The following CTTNBP2NL variants were observed in gnomAD, a reference collection of about 807,000 sequenced individuals.
CTTNBP2NL encodes the protein CTTNBP2 N-terminal-like protein.
CTTNBP2NL carries 16 observed loss-of-function variants against 32.5 expected under a neutral mutation model. The observed-to-expected ratio is 0.49, with a 90% confidence interval of 0.33 to 0.75. CTTNBP2NL has a LOEUF of 0.75. CTTNBP2NL is among the 30% of genes least tolerant of loss of function. CTTNBP2NL has a pLI of 0.02. For missense variants in CTTNBP2NL, 645 were observed against 756.0 expected, an observed-to-expected ratio of 0.85 and a Z score of 1.72; for synonymous variants, 298 against 289.4, an observed-to-expected ratio of 1.03 and a Z score of -0.30.
At chr1:112,420,624 A>G (rs1328355953) in intron 3 of CTTNBP2NL, among the ~76,000 whole-genome samples, 1 of 152,056 alleles carries the variant, frequency 6.6e-6, no homozygotes, top group East Asian at 1.9e-4. Context: ...GCATGCCACT[A>G]TACCTGGCTA....
intron 3 of CTTNBP2NL, among the ~76,000 whole-genome samples, chr1:112,447,297 A>G (rs1442067947): frequency 7.3e-6 from 1 of 136,974 alleles, no homozygotes. Context: ...AAAAAAAAAA[A>G]GTAGAGTTTC....
At chr1:112,422,224 T>C (rs1000473218) in intron 3 of CTTNBP2NL, among the ~76,000 whole-genome samples, 1 of 152,226 alleles carries the variant, frequency 6.6e-6, no homozygotes, top group Admixed American at 6.5e-5. Context: ...TTTATATAAG[T>C]GGAATCATAT....
chr1:112,412,880 A>G (rs1648924581), intron 2 of CTTNBP2NL, among the ~76,000 whole-genome samples: 1 of 152,004 alleles, frequency 6.6e-6, no homozygotes, highest in African/African-American at 2.4e-5. Flanking sequence ...CCACCTCCCA[A>G]AGTGCTGGGA....
intron 2 of CTTNBP2NL, 149 bp from the exon 3 acceptor site, chr1:112,416,008 C>T: frequency 5.3e-6 from 3 of 562,718 alleles, no homozygotes; most frequent in South Asian, 2.3e-5. Flanking sequence ...TGATTAACAC[C>T]AGAAAACATA....
In CTTNBP2NL at chr1:112,431,777, TACAC is replaced by T. The variant is rs554180310; in HGVS notation, c.99+15515_99+15518del. 3.9e-3 allele frequency among the ~76,000 whole-genome samples: 598 copies of T among 151,898 alleles called. 5 individuals are homozygous for T. Among genetic ancestry groups the T allele is most frequent in the African/African-American group, 0.014 (563 of 41,414 alleles). On this transcript the variant is annotated intron_variant, in intron 3 of 5. Coordinates refer to ENST00000271277, the MANE Select transcript of CTTNBP2NL (RefSeq NM_018704.3). ...GTGAAAACAAATTGCAAAACAGTTT[TACAC>T]AATAATAATATCTATGTAATTAGGT...
Position 112,454,497 on chromosome 1 carries a change from G to A in CTTNBP2NL, c.379G>A (p.Ala127Thr). Residue 127 changes from alanine to threonine, a missense_variant, in exon 5 of 6, where the codon GCT (alanine) becomes ACT (threonine). Transcript: ENST00000271277. Reference sequence around the variant, plus strand: ...AAGGCAGCGGCATGCACAGGATACGGCTGAAGGAGATGATGTCACCTACAT... The same window carrying A: ...AAGGCAGCGGCATGCACAGGATACGACTGAAGGAGATGATGTCACCTACAT... ...EERQRHAQDTAEGDDVTYMLE... is the reference protein window; with the variant it reads ...EERQRHAQDTTEGDDVTYMLE... 6.2e-7 allele frequency: 1 copy of A among 1,614,124 alleles called. No homozygotes were observed. Among genetic ancestry groups the A allele is most frequent in the Non-Finnish European group, 8.5e-7 (1 of 1,179,976 alleles).
Position 112,415,177 on chromosome 1 carries a change from C to G in CTTNBP2NL, c.-9-980C>G, listed in dbSNP as rs1160674704. On this transcript the variant is annotated intron_variant, in intron 2 of 5. Coordinates refer to ENST00000271277, the MANE Select transcript of CTTNBP2NL (RefSeq NM_018704.3). ...CTACACTCCAGCCTGGGTGACAGAG[C>G]AAGACCCTGTCTTAAAACAAAAAAA... Among the ~76,000 whole-genome samples the G allele has an allele frequency of 2.0e-5, 3 of 152,134 alleles. No homozygotes were observed. In the East Asian group the frequency reaches 5.8e-4, roughly 29 times the overall value.
chr1:112,456,805 TG>T lies in CTTNBP2NL; in HGVS notation c.1317del (p.Ser440HisfsTer14). On this transcript the variant is annotated frameshift_variant, in exon 6 of 6. Coordinates refer to ENST00000271277, the MANE Select transcript of CTTNBP2NL (RefSeq NM_018704.3). LOFTEE classifies it low-confidence loss of function (END_TRUNC). ...CSSPVLTKRL[L>X]GSSASSPGYQ... is the part of the protein sequence containing the mutation. ...TCGCCGGTACTCACTAAGCGTTTAT[TG>T]GGGTCATCAGCTAGCAGCCCTGGCT... The T allele has an allele frequency of 1.2e-6, 2 of 1,614,082 alleles. No homozygotes were observed. Among genetic ancestry groups the T allele is most frequent in the Non-Finnish European group, 1.7e-6 (2 of 1,180,038 alleles).
chr1:112,397,368 GT>G (rs889672118), intron 1 of CTTNBP2NL, among the ~76,000 whole-genome samples: 1 of 152,058 alleles, frequency 6.6e-6, no homozygotes, highest in Non-Finnish European at 1.5e-5. Context: ...AGTCATCTAG[GT>G]TTATGATTAA....
chr1:112,437,740 G>A (rs182171972), intron 3 of CTTNBP2NL, among the ~76,000 whole-genome samples: 2 of 152,118 alleles, frequency 1.3e-5, no homozygotes, highest in Admixed American at 6.6e-5. Flanking sequence ...AGCCAGGATG[G>A]TCTCGATCTC....
At chr1:112,438,807 G>A (rs1277154386) in intron 3 of CTTNBP2NL, among the ~76,000 whole-genome samples, 1 of 152,148 alleles carries the variant, frequency 6.6e-6, no homozygotes, top group African/African-American at 2.4e-5. Flanking sequence ...CCATATATTT[G>A]TGCCTTACTG....
At position 112,449,031 on chromosome 1, in the gene CTTNBP2NL, A is replaced by G. The variant is rs1365275213; in HGVS notation, c.189A>G (p.Thr63=). The part of the protein sequence containing the change: ...PLMALQRDFE[T]LKEKNDGEKQ... ...TGGCTCTACAGAGAGATTTTGAAAC[A>G]CTGAAGGAGAAAAATGATGGCGAAA... Residue 63 remains threonine (T), a synonymous_variant, in exon 4 of 6, where the codon ACA becomes ACG. Coordinates refer to ENST00000271277, the MANE Select transcript of CTTNBP2NL (RefSeq NM_018704.3). The G allele has an allele frequency of 8.7e-6, 14 of 1,612,556 alleles. No homozygotes were observed. The highest frequency in any genetic ancestry group is 1.2e-5 in the Non-Finnish European group (14 of 1,178,620).
chr1:112,395,902 A>G (rs1210020923), upstream of CTTNBP2NL, among the ~76,000 whole-genome samples: 1 of 152,216 alleles, frequency 6.6e-6, no homozygotes, highest in Admixed American at 6.5e-5. Context: ...AGCACGAAGC[A>G]CTAGTCACGG....
chr1:112,434,487 T>C (rs1390835587), intron 3 of CTTNBP2NL, among the ~76,000 whole-genome samples: 1 of 152,192 alleles, frequency 6.6e-6, no homozygotes, highest in East Asian at 1.9e-4. Context: ...CTCCCTCTTA[T>C]ATTTTGACTT....
chr1:112,400,438 A>AT (rs1648464809), intron 1 of CTTNBP2NL, among the ~76,000 whole-genome samples: 1 of 152,194 alleles, frequency 6.6e-6, no homozygotes, highest in Non-Finnish European at 1.5e-5. Context: ...AAGCGGGTGG[A>AT]TCGCTTGAGG....
At chr1:112,423,762 C>T (rs1217206243) in intron 3 of CTTNBP2NL, among the ~76,000 whole-genome samples, 1 of 152,188 alleles carries the variant, frequency 6.6e-6, no homozygotes, top group Admixed American at 6.5e-5. Context: ...CTCGCTGTGT[C>T]GCCAAGGCTG....
intron 3 of CTTNBP2NL, among the ~76,000 whole-genome samples, chr1:112,424,615 A>G (rs752819766): frequency 3.3e-5 from 5 of 152,212 alleles, no homozygotes; most frequent in African/African-American, 9.6e-5. Context: ...GGGAGAATTC[A>G]TATCTTAACA....
chr1:112,404,224 GAAC>G (rs1557883593), intron 1 of CTTNBP2NL, among the ~76,000 whole-genome samples: 1 of 152,158 alleles, frequency 6.6e-6, no homozygotes, highest in Non-Finnish European at 1.5e-5. Context: ...AAGAACCATA[GAAC>G]AACAATTGCC....
intron 3 of CTTNBP2NL, among the ~76,000 whole-genome samples, chr1:112,437,629 T>C (rs761602939): frequency 1.4e-4 from 21 of 152,186 alleles, no homozygotes; most frequent in Non-Finnish European, 1.0e-4. Flanking sequence ...GTTCAAGTGA[T>C]TCTCCTGCCT....
Sources: gnomAD v4.1 joint callset for allele counts (sites outside exome capture counted in the v4.1 genomes callset) on GRCh38, gnomAD v4.1.1 for gene constraint, MANE v1.5 for transcripts, NCBI Gene and HGNC (gene_info 2026-07-23, HGNC 2026-07-21) for gene names.